Variants in C8orf34 observed in about 807,000 individuals in gnomAD.
C8orf34 encodes chromosome 8 open reading frame 34.
In C8orf34, 65 loss-of-function variants were observed where a neutral mutation model predicts 68.3. That is an observed-to-expected ratio of 0.95 (90% CI 0.78 to 1.17). C8orf34 has a LOEUF of 1.17. Ranked by LOEUF, C8orf34 falls within the 50% of genes most tolerant of loss-of-function variation. C8orf34 has a pLI of 0.00. For missense variants in C8orf34, 664 were observed against 655.4 expected, an observed-to-expected ratio of 1.01 and a Z score of -0.14; for synonymous variants, 244 against 241.2, an observed-to-expected ratio of 1.01 and a Z score of -0.11.
At chr8:68,631,708 A>T (rs1313677465) in intron 7 of C8orf34, among the ~76,000 whole-genome samples, 1 of 152,086 alleles carries the variant, frequency 6.6e-6, no homozygotes, top group African/African-American at 2.4e-5. Flanking sequence ...AGTGGTTTAC[A>T]CCATGCTGTT....
chr8:68,429,833 G>A (rs531337371), intron 1 of C8orf34, among the ~76,000 whole-genome samples: 2 of 152,242 alleles, frequency 1.3e-5, no homozygotes, highest in Non-Finnish European at 2.9e-5. Context: ...TTTTAACATT[G>A]ACAACAGGCA....
At chr8:68,621,106 G>C (rs1818376013) in intron 7 of C8orf34, among the ~76,000 whole-genome samples, 1 of 152,162 alleles carries the variant, frequency 6.6e-6, no homozygotes. Context: ...AGTTCTAGGA[G>C]ATGTACCCCA....
At chr8:68,553,405 A>AAAAAAAAAAAAAAC (rs1554577324) in intron 7 of C8orf34, among the ~76,000 whole-genome samples, 6 of 141,094 alleles carry the variant, frequency 4.3e-5, no homozygotes, top group African/African-American at 1.4e-4. Flanking sequence ...AAAAAAAAAA[A>AAAAAAAAAAAAAAC]AAAAACATAT....
chr8:68,357,946 T>C (rs1248998908), intron 1 of C8orf34, among the ~76,000 whole-genome samples: 4 of 152,188 alleles, frequency 2.6e-5, no homozygotes, highest in Non-Finnish European at 4.4e-5. Context: ...CTCTAGCCCA[T>C]TATCATGGGC....
At chr8:68,505,591 C>A (rs1360702772) in intron 5 of C8orf34, among the ~76,000 whole-genome samples, 1 of 133,048 alleles carries the variant, frequency 7.5e-6, no homozygotes, top group Non-Finnish European at 1.5e-5. Context: ...ATTAGCCGGG[C>A]GCGGTGGCGG....
At chr8:68,553,040 T>C (rs1347328912) in intron 7 of C8orf34, among the ~76,000 whole-genome samples, 1 of 152,062 alleles carries the variant, frequency 6.6e-6, no homozygotes, top group African/African-American at 2.4e-5. Flanking sequence ...AATGCCTTTA[T>C]CTGGTTTTGG....
At chr8:68,416,251 G>A (rs1386186522) in intron 1 of C8orf34, among the ~76,000 whole-genome samples, 1 of 152,034 alleles carries the variant, frequency 6.6e-6, no homozygotes, top group South Asian at 2.1e-4. Context: ...ATCCTCACTC[G>A]TGGCAGCATC....
chr8:68,549,438 A>T (rs1258623419), intron 7 of C8orf34, among the ~76,000 whole-genome samples: 1 of 151,772 alleles, frequency 6.6e-6, no homozygotes, highest in East Asian at 1.9e-4. Flanking sequence ...GGAGTGAGGG[A>T]TTGACTTGAT....
chr8:68,693,090 G>C (rs1820728941), intron 8 of C8orf34, among the ~76,000 whole-genome samples: 1 of 152,042 alleles, frequency 6.6e-6, no homozygotes, highest in African/African-American at 2.4e-5. Context: ...ATTTCCTGTA[G>C]TCTTAGATTT....
At chr8:68,384,221 CCTT>C (rs1349563485) in intron 1 of C8orf34, among the ~76,000 whole-genome samples, 2 of 152,210 alleles carry the variant, frequency 1.3e-5, no homozygotes, top group African/African-American at 4.8e-5. Flanking sequence ...TCAACCCTCT[CCTT>C]TGAAGTTTCA....
rs550828345 is a variant in C8orf34 at position 68,517,908 on chromosome 8, T to A, written c.766-3891T>A. Among the ~76,000 whole-genome samples the A allele has an allele frequency of 6.6e-4, 101 of 152,344 alleles. 1 individual carries two copies. The highest frequency in any genetic ancestry group is 5.2e-3 in the Admixed American group (80 of 15,304). ...AATTAATTATTCAACCTTTTAAATATAACATCTATAAAATGAAACTTTATA... is the reference window on the plus strand; with the variant it reads ...AATTAATTATTCAACCTTTTAAATAAAACATCTATAAAATGAAACTTTATA... On this transcript the variant is annotated intron_variant, in intron 5 of 13. Transcript: ENST00000518698.
chr8:68,697,537 A>G (rs1338105074), intron 8 of C8orf34, among the ~76,000 whole-genome samples: 1 of 152,066 alleles, frequency 6.6e-6, no homozygotes, highest in Non-Finnish European at 1.5e-5. Flanking sequence ...TATTTCTATT[A>G]CTCAAATGAC....
intron 7 of C8orf34, among the ~76,000 whole-genome samples, chr8:68,537,427 T>G (rs529900466): frequency 6.6e-6 from 1 of 152,024 alleles, no homozygotes; most frequent in East Asian, 1.9e-4. Context: ...ATAAAAAAGA[T>G]TATTCATAAG....
intron 8 of C8orf34, among the ~76,000 whole-genome samples, chr8:68,698,264 A>G (rs1426091494): frequency 6.6e-6 from 1 of 152,082 alleles, no homozygotes; most frequent in Non-Finnish European, 1.5e-5. Flanking sequence ...TGTTCAGTAT[A>G]CTTGAACATT....
chr8:68,655,209 C>A (rs945785362), intron 8 of C8orf34, among the ~76,000 whole-genome samples: 4 of 151,966 alleles, frequency 2.6e-5, no homozygotes, highest in South Asian at 2.1e-4. Context: ...AATTTTGGTG[C>A]AAAAATCTAA....
At chr8:68,391,002 A>T (rs1808458395) in intron 1 of C8orf34, among the ~76,000 whole-genome samples, 1 of 152,294 alleles carries the variant, frequency 6.6e-6, no homozygotes, top group East Asian at 1.9e-4. Flanking sequence ...CTTTTCTTAA[A>T]GTCAACTGAT....
In C8orf34 at chr8:68,690,646, A is replaced by G. The variant is rs1448768763; in HGVS notation, c.1242-18348A>G. Among the ~76,000 whole-genome samples, 3 of 151,906 alleles carry G rather than the reference A, an allele frequency of 2.0e-5. No individual in the cohort carries two copies. In the South Asian group the frequency reaches 6.2e-4, roughly 32 times the overall value. ...AGAGCTCTGCCCTCATGACATAATC[A>G]CCTCATAAAGGCCCATTTCTTATTA... is the stretch of plus-strand genomic sequence containing the variant. On this transcript the variant is annotated intron_variant, in intron 8 of 13. Coordinates refer to ENST00000518698, the MANE Select transcript of C8orf34 (RefSeq NM_052958.4).
chr8:68,463,115 A>C (rs1395737485), intron 3 of C8orf34, among the ~76,000 whole-genome samples: 2 of 152,174 alleles, frequency 1.3e-5, no homozygotes, highest in Non-Finnish European at 2.9e-5. Flanking sequence ...GGATATCACC[A>C]CTGATCCCAC....
intron 8 of C8orf34, among the ~76,000 whole-genome samples, chr8:68,665,755 C>T (rs1032351459): frequency 2.0e-5 from 3 of 152,180 alleles, no homozygotes; most frequent in African/African-American, 4.8e-5. Context: ...TCAGAGAGAC[C>T]TTTCATGACC....
Sources: allele counts gnomAD v4.1 joint callset (sites outside exome capture counted in the v4.1 genomes callset), GRCh38; gene constraint gnomAD v4.1.1; transcripts MANE v1.5; gene names NCBI Gene and HGNC (gene_info 2026-07-23, HGNC 2026-07-21).